USP22: variants seen among roughly 807,000 people sequenced by gnomAD.
USP22 encodes the protein ubiquitin carboxyl-terminal hydrolase 22.
In USP22, 22 loss-of-function variants were observed where a neutral mutation model predicts 68.1. That is an observed-to-expected ratio of 0.32 (90% CI 0.23 to 0.46). The LOEUF (loss-of-function observed/expected upper bound fraction) is 0.46. USP22 is among the 20% of genes least tolerant of loss of function. USP22 has a pLI of 1.00. For synonymous variants in USP22, 279 were observed against 274.2 expected (o/e 1.02, Z -0.17); for missense variants, 433 against 695.8 (o/e 0.62, Z 4.25).
At chr17:21,021,014 A>G in intron 3 of USP22, 99 bp downstream of exon 3, 2 of 950,836 alleles carry the variant, frequency 2.1e-6, no homozygotes, top group Non-Finnish European at 3.3e-6. Context: ...CCAGCCTGCC[A>G]CTTCCCACCT....
At position 21,002,393 on chromosome 17, in the gene USP22, CCT is replaced by C. The variant is rs1913615087; in HGVS notation, c.*636_*637del. 1.3e-5 allele frequency: 2 copies of C among 152,424 alleles called. No homozygotes were observed. Among genetic ancestry groups the C allele is most frequent in the South Asian group, 2.1e-4 (1 of 4,830 alleles). 9.4% of individuals were successfully genotyped at this position (152,424 alleles called of 1,614,324 possible). The stretch of plus-strand genomic sequence containing the variant: ...GGAGCGGGAGAGGGATAAGAAAATG[CCT>C]GTTTCTAGAAAACCGCGAGATGCTT... On this transcript the variant is annotated 3_prime_UTR_variant, in exon 13 of 13. Transcript: ENST00000261497.
At chr17:21,042,430 G>A (rs1019886356) in intron 1 of USP22, among the ~76,000 whole-genome samples, 7 of 147,562 alleles carry the variant, frequency 4.7e-5, no homozygotes, top group South Asian at 2.2e-4. Flanking sequence ...ATGGGGGAAG[G>A]GGGGAGAGGG....
At position 21,002,849 on chromosome 17, in the gene USP22, G is replaced by A. The variant is rs555375763; in HGVS notation, c.*182C>T. ...TCAAAGCAGCTCCAGGAGCCTCCCC[G>A]TCCGTGTGGTCCATCCCGACCCGAT... On this transcript the variant is annotated 3_prime_UTR_variant, in exon 13 of 13. Transcript: ENST00000261497. 4.0e-5 allele frequency: 27 copies of A among 675,704 alleles called. No individual in the cohort carries two copies. Among genetic ancestry groups the A allele is most frequent in the Middle Eastern group, 4.4e-4 (1 of 2,260 alleles). The allele number at this position is 675,704 out of a possible 1,614,324, so 41.9% of individuals were successfully genotyped here.
intron 3 of USP22, among the ~76,000 whole-genome samples, chr17:21,020,798 G>A (rs904856066): frequency 2.0e-5 from 3 of 152,248 alleles, no homozygotes; most frequent in Admixed American, 6.5e-5. Context: ...CTGCAGGTGC[G>A]CCCTGGGAGA....
intron 12 of USP22, among the ~76,000 whole-genome samples, chr17:21,003,900 C>CAAAAAAAAAAAAAAAAAAAAAAAAAAAAA (rs545524182): frequency 8.8e-6 from 1 of 113,900 alleles, no homozygotes; most frequent in Non-Finnish European, 1.7e-5. Flanking sequence ...AACTCCGTCT[C>CAAAAAAAAAAAAAAAAAAAAAAAAAAAAA]AAAAAAAAAA....
chr17:21,036,859 T>C (rs1972364667), intron 1 of USP22, among the ~76,000 whole-genome samples: 1 of 152,138 alleles, frequency 6.6e-6, no homozygotes, highest in African/African-American at 2.4e-5. Flanking sequence ...AGCCAGGATA[T>C]CCCAGTAATG....
chr17:21,041,223 ACT>A (rs1294375337), intron 1 of USP22, among the ~76,000 whole-genome samples: 3 of 151,892 alleles, frequency 2.0e-5, no homozygotes, highest in African/African-American at 7.3e-5. Flanking sequence ...TACTAGCAAG[ACT>A]CTAACTCCGA....
intron 1 of USP22, among the ~76,000 whole-genome samples, chr17:21,041,221 A>G (rs1972426227): frequency 6.6e-6 from 1 of 152,126 alleles, no homozygotes; most frequent in East Asian, 1.9e-4. Context: ...TCTACTAGCA[A>G]GACTCTAACT....
At chr17:21,004,817 G>A (rs1913728895) in intron 11 of USP22, 111 bp downstream of exon 11, 1 of 1,208,254 alleles carries the variant, frequency 8.3e-7, no homozygotes, top group Non-Finnish European at 1.2e-6. Flanking sequence ...AGCCAAGCGG[G>A]AAGCAGGTCA....
intron 10 of USP22, chr17:21,005,214 G>A (rs1460632760): frequency 9.1e-6 from 5 of 552,092 alleles, no homozygotes; most frequent in African/African-American, 3.8e-5. Context: ...GCCACCTGGC[G>A]TGGCCCCTGG....
chr17:21,034,867 C>A (rs1023898589), intron 1 of USP22, among the ~76,000 whole-genome samples: 1 of 152,132 alleles, frequency 6.6e-6, no homozygotes, highest in Admixed American at 6.6e-5. Flanking sequence ...TTGCTAAGAT[C>A]TACAGTAAGA....
chr17:21,041,311 T>G (rs1293225469), intron 1 of USP22, among the ~76,000 whole-genome samples: 4 of 152,186 alleles, frequency 2.6e-5, no homozygotes, highest in African/African-American at 7.2e-5. Context: ...TAAAAAAAAT[T>G]TTGAGGCCGG....
intron 1 of USP22, among the ~76,000 whole-genome samples, chr17:21,038,367 C>G (rs1314723919): frequency 6.6e-6 from 1 of 152,128 alleles, no homozygotes; most frequent in Non-Finnish European, 1.5e-5. Context: ...CCAGTAAAGA[C>G]AGACTGAGGC....
At chr17:21,005,028 T>G in intron 10 of USP22, 38 bp from the exon 11 acceptor site, 1 of 1,610,398 alleles carries the variant, frequency 6.2e-7, no homozygotes, top group Non-Finnish European at 8.5e-7. Flanking sequence ...ATCATTAAAA[T>G]CATCAGGCCC....
chr17:21,025,575 C>A (rs1252535109), intron 2 of USP22, among the ~76,000 whole-genome samples: 1 of 152,166 alleles, frequency 6.6e-6, no homozygotes, highest in East Asian at 1.9e-4. Context: ...TTCCTAAGCA[C>A]CAAGACGATG....
chr17:21,020,943 T>A (rs1972149364), intron 3 of USP22, among the ~76,000 whole-genome samples, 170 bp downstream of exon 3: 1 of 152,192 alleles, frequency 6.6e-6, no homozygotes, highest in Non-Finnish European at 1.5e-5. Flanking sequence ...TCCCCTGTCA[T>A]GCAGAGCTTC....
chr17:21,007,730 C>T (rs1913822655), intron 9 of USP22, 140 bp downstream of exon 9: 10 of 1,104,478 alleles, frequency 9.1e-6, no homozygotes, highest in Non-Finnish European at 1.2e-5. Context: ...ACAATTCCCT[C>T]ACACCCTCCC....
chr17:21,024,607 T>C (rs1026515911), intron 2 of USP22, among the ~76,000 whole-genome samples: 5 of 152,130 alleles, frequency 3.3e-5, no homozygotes, highest in African/African-American at 9.7e-5. Context: ...TAAGGGCAAG[T>C]CTTCATGACC....
intron 1 of USP22, among the ~76,000 whole-genome samples, chr17:21,033,555 G>C (rs962863813): frequency 6.6e-6 from 1 of 152,070 alleles, no homozygotes; most frequent in Non-Finnish European, 1.5e-5. Context: ...ACAGTACACT[G>C]AATTTTGAGT....
Sources: gnomAD v4.1 joint callset for allele counts (sites outside exome capture counted in the v4.1 genomes callset) on GRCh38, gnomAD v4.1.1 for gene constraint, MANE v1.5 for transcripts, NCBI Gene and HGNC (gene_info 2026-07-23, HGNC 2026-07-21) for gene names.